Variants in TRHDE observed in about 807,000 individuals in gnomAD.
TRHDE encodes the protein thyrotropin-releasing hormone-degrading ectoenzyme.
TRHDE carries 72 observed loss-of-function variants against 125.7 expected under a neutral mutation model. The ratio of observed to expected loss-of-function variants is 0.57; its 90% confidence interval spans 0.47 to 0.70. TRHDE has a LOEUF of 0.70. Among genes scored for constraint, TRHDE ranks in the 30% least tolerant of loss-of-function variants. The probability of loss-of-function intolerance (pLI) is 0.00; values close to 1 mark genes in which losing one functional copy is unlikely to be tolerated. For synonymous variants in TRHDE, 509 were observed against 509.1 expected (o/e 1.00, Z 0.00); for missense variants, 1,110 against 1,327.1 (o/e 0.84, Z 2.54).
At chr12:72,092,422 T>G (rs1475620903) in intron 1 of TRHDE, among the ~76,000 whole-genome samples, 1 of 152,234 alleles carries the variant, frequency 6.6e-6, no homozygotes, top group Admixed American at 6.5e-5. Flanking sequence ...AGCTCTGTTT[T>G]CAAACACAAG....
chr12:72,598,093 A>T (rs1872054114), intron 12 of TRHDE, among the ~76,000 whole-genome samples: 1 of 152,120 alleles, frequency 6.6e-6, no homozygotes, highest in Admixed American at 6.5e-5. Flanking sequence ...TGGCAAAAAA[A>T]GAAAAGGAAA....
chr12:72,612,104 A>G (rs1448029627), intron 12 of TRHDE, among the ~76,000 whole-genome samples: 1 of 152,150 alleles, frequency 6.6e-6, no homozygotes, highest in African/African-American at 2.4e-5. Flanking sequence ...TTCCTTCAAC[A>G]TCCCAGTCTG....
chr12:72,090,225 A>T (rs545531125), intron 1 of TRHDE, among the ~76,000 whole-genome samples: 184 of 152,312 alleles, frequency 1.2e-3, no homozygotes, highest in African/African-American at 4.1e-3. Flanking sequence ...TTACCCAGAG[A>T]TAATTACTAC....
chr12:72,141,425 G>A lies in TRHDE; in HGVS notation n.279+35673G>A, dbSNP rs34436723. Among the ~76,000 whole-genome samples, 751 of 152,218 alleles carry A rather than the reference G, an allele frequency of 4.9e-3. 2 individuals are homozygous for A. Among genetic ancestry groups the A allele is most frequent in the Non-Finnish European group, 8.6e-3 (587 of 68,006 alleles). On this transcript the variant is annotated intron_variant and non_coding_transcript_variant, in intron 2 of 4. Coordinates refer to the TRHDE transcript ENST00000548156. ...AGAGAAAGACTTTTGTGACCTGTGG[G>A]CTTAGCTCTATCCATTCATTAGCTA...
rs573001089 is a variant in TRHDE at position 72,514,794 on chromosome 12, C to T, written c.1722+15159C>T. On this transcript the variant is annotated intron_variant, in intron 6 of 18. Transcript: ENST00000261180. ...TAATGCTATCCCTCCCCCCTCCCCC[C>T]ACCCCAGAACAGTCCCCAGAGTGTG... Among the ~76,000 whole-genome samples the T allele has an allele frequency of 1.7e-3, 194 of 111,030 alleles. 2 individuals carry two copies. Among genetic ancestry groups the T allele is most frequent in the Non-Finnish European group, 2.2e-3 (123 of 56,068 alleles). 72.8% of individuals were successfully genotyped at this position (111,030 alleles called of 152,430 possible). A position where few individuals can be genotyped will look rare whatever the true frequency, so the allele number is the denominator to read the frequency against.
At chr12:72,395,646 C>G (rs1041117574) in intron 3 of TRHDE, among the ~76,000 whole-genome samples, 27 of 152,074 alleles carry the variant, frequency 1.8e-4, no homozygotes, top group African/African-American at 6.0e-4. Context: ...ATCTTCAACT[C>G]TTTTGTGCCT....
chr12:72,154,398 A>G (rs1408216749), intron 2 of TRHDE, among the ~76,000 whole-genome samples: 3 of 152,204 alleles, frequency 2.0e-5, no homozygotes, highest in Admixed American at 2.0e-4. Context: ...ATTTACATTT[A>G]AAGTTAATAT....
Position 72,668,222 on chromosome 12 carries a change from T to C in TRHDE, c.*5027T>C, listed in dbSNP as rs892260238. The C allele has an allele frequency of 1.3e-5, 2 of 151,750 alleles. No homozygotes were observed. The highest frequency in any genetic ancestry group is 3.0e-5 in the Non-Finnish European group (2 of 67,778). 9.4% of individuals were successfully genotyped at this position (151,750 alleles called of 1,614,324 possible). A position where few individuals can be genotyped will look rare whatever the true frequency, so the allele number is the denominator to read the frequency against. The stretch of plus-strand genomic sequence containing the variant: ...GTCTAACAAAAATGTACTTCAGTAG[T>C]TTTATTTTTATTTTGTGAAATTTTA... On this transcript the variant is annotated 3_prime_UTR_variant, in exon 19 of 19. Coordinates refer to ENST00000261180, the MANE Select transcript of TRHDE (RefSeq NM_013381.3).
At chr12:72,253,792 A>G (rs1878742947) in intron 2 of TRHDE, 1 of 152,188 alleles carries the variant, frequency 6.6e-6, no homozygotes, top group Non-Finnish European at 1.5e-5. Context: ...ATTAATTGAT[A>G]TAATCATCTT....
chr12:72,521,365 A>G (rs1592509358), intron 6 of TRHDE, among the ~76,000 whole-genome samples: 2 of 152,194 alleles, frequency 1.3e-5, no homozygotes, highest in Admixed American at 1.3e-4. Context: ...AGCCAACAGC[A>G]TAAGGAGCTC....
At chr12:72,620,606 A>G (rs1873013462) in intron 13 of TRHDE, among the ~76,000 whole-genome samples, 1 of 152,110 alleles carries the variant, frequency 6.6e-6, no homozygotes, top group Non-Finnish European at 1.5e-5. Flanking sequence ...TGAATTGTTG[A>G]CTTTGAAATA....
chr12:72,157,818 A>G (rs1356914736), intron 2 of TRHDE, among the ~76,000 whole-genome samples: 1 of 152,206 alleles, frequency 6.6e-6, no homozygotes, highest in Admixed American at 6.5e-5. Context: ...AGATACTGAC[A>G]TTTGGATAGT....
At chr12:72,151,161 A>AT (rs1479281299) in intron 2 of TRHDE, among the ~76,000 whole-genome samples, 1 of 152,014 alleles carries the variant, frequency 6.6e-6, no homozygotes, top group Admixed American at 6.5e-5. Flanking sequence ...GATGGTGAGC[A>AT]TTTTTTCATG....
chr12:72,177,473 C>T (rs987453683), intron 2 of TRHDE, among the ~76,000 whole-genome samples: 11 of 151,972 alleles, frequency 7.2e-5, no homozygotes, highest in Non-Finnish European at 1.3e-4. Context: ...ATAAAAACAA[C>T]CCAAACAATC....
intron 15 of TRHDE, among the ~76,000 whole-genome samples, chr12:72,625,108 T>C (rs955753020): frequency 6.6e-6 from 1 of 151,954 alleles, no homozygotes; most frequent in Admixed American, 6.6e-5. Flanking sequence ...TGAACTGTTA[T>C]TTAAAATCTC....
intron 2 of TRHDE, among the ~76,000 whole-genome samples, chr12:72,204,446 T>C (rs1040821789): frequency 6.6e-6 from 1 of 152,176 alleles, no homozygotes; most frequent in Admixed American, 6.5e-5. Flanking sequence ...TTACACATTC[T>C]CCCTGGGTGA....
intron 3 of TRHDE, among the ~76,000 whole-genome samples, chr12:72,419,548 A>G (rs2135824802): frequency 1.3e-5 from 2 of 152,238 alleles, no homozygotes; most frequent in South Asian, 4.1e-4. Flanking sequence ...TGTGCCATAC[A>G]CTTTTAAACA....
chr12:72,198,277 C>A (rs1877484835), intron 2 of TRHDE, among the ~76,000 whole-genome samples: 1 of 151,884 alleles, frequency 6.6e-6, no homozygotes, highest in South Asian at 2.1e-4. Flanking sequence ...CAATTATGTA[C>A]AAGTTTTGGT....
intron 6 of TRHDE, among the ~76,000 whole-genome samples, chr12:72,521,622 G>A (rs1353527225): frequency 2.0e-5 from 3 of 152,096 alleles, no homozygotes; most frequent in Non-Finnish European, 4.4e-5. Context: ...GAGAATTTTT[G>A]GTATGTATTC....
Sources: gnomAD v4.1 joint callset for allele counts (sites outside exome capture counted in the v4.1 genomes callset) on GRCh38, gnomAD v4.1.1 for gene constraint, MANE v1.5 for transcripts, NCBI Gene and HGNC (gene_info 2026-07-23, HGNC 2026-07-21) for gene names.